NALF1: variants seen among roughly 807,000 people sequenced by gnomAD.
NALF1 encodes NALCN channel auxiliary factor 1, also known as family with sequence similarity 155 member A.
In NALF1, 3 loss-of-function variants were observed where a neutral mutation model predicts 48.4. That is an observed-to-expected ratio of 0.06 (90% CI 0.03 to 0.16). NALF1 has a LOEUF of 0.16. Ranked by LOEUF, NALF1 falls within the 10% of genes least tolerant of loss-of-function variation. The probability of loss-of-function intolerance (pLI) is 1.00; values close to 1 mark genes in which losing one functional copy is unlikely to be tolerated. For synonymous variants in NALF1, 262 were observed against 245.7 expected, an observed-to-expected ratio of 1.07 and a Z score of -0.62; for missense variants, 526 against 571.5, an observed-to-expected ratio of 0.92 and a Z score of 0.81.
chr13:107,664,030 G>C (rs1022490424), intron 1 of NALF1, among the ~76,000 whole-genome samples: 1 of 152,034 alleles, frequency 6.6e-6, no homozygotes, highest in Admixed American at 6.6e-5. Flanking sequence ...CTCCACCATA[G>C]TCCAAGCCCA....
intron 1 of NALF1, among the ~76,000 whole-genome samples, chr13:107,746,329 C>T (rs368772861): frequency 4.6e-5 from 7 of 151,952 alleles, no homozygotes; most frequent in African/African-American, 9.7e-5. Flanking sequence ...TTCATAGCAG[C>T]GTGAGAATAA....
intron 1 of NALF1, among the ~76,000 whole-genome samples, chr13:107,351,968 C>T (rs1566493034): frequency 6.6e-6 from 1 of 152,122 alleles, no homozygotes; most frequent in Non-Finnish European, 1.5e-5. Context: ...GGCTAAGTAC[C>T]GTATCAACAG....
intron 1 of NALF1, among the ~76,000 whole-genome samples, chr13:107,797,716 A>G (rs1878473264): frequency 6.6e-6 from 1 of 152,192 alleles, no homozygotes; most frequent in African/African-American, 2.4e-5. Context: ...CAGATTTTAT[A>G]TTTGAAGATA....
At chr13:107,747,047 G>C (rs1566466380) in intron 1 of NALF1, among the ~76,000 whole-genome samples, 1 of 152,148 alleles carries the variant, frequency 6.6e-6, no homozygotes, top group Non-Finnish European at 1.5e-5. Context: ...GTAGACAAAT[G>C]AGATTGCATC....
chr13:107,866,048 C>G lies in NALF1; in HGVS notation c.549G>C (p.Thr183=), dbSNP rs561755025. 34 of 1,612,694 alleles carry G rather than the reference C, an allele frequency of 2.1e-5. No homozygotes were observed. Among genetic ancestry groups the G allele is most frequent in the Non-Finnish European group, 2.8e-5 (33 of 1,179,946 alleles). The change falls in exon 1 of 3, where the codon ACG becomes ACC. Residue 183 remains threonine (T), a synonymous_variant. Coordinates refer to ENST00000375915, the MANE Select transcript of NALF1 (RefSeq NM_001080396.3). The surrounding 1 kb of genome is among the most constrained non-coding windows in gnomAD (Gnocchi z 4.4). ...CGCACACCGCGTCCGCATTCTCCAC[C>G]GTGAAGCACTGGCCCGAGGACGCGC... ...PQGASSGQCF[T]VENADAVCAR... is the part of the protein sequence containing the mutation.
chr13:107,540,388 A>G (rs1876966211), intron 1 of NALF1, among the ~76,000 whole-genome samples: 1 of 151,926 alleles, frequency 6.6e-6, no homozygotes, highest in Non-Finnish European at 1.5e-5. Flanking sequence ...GTTTTTTAAT[A>G]TACTTATACT....
intron 2 of NALF1, among the ~76,000 whole-genome samples, chr13:107,189,135 G>A (rs1879233195): frequency 6.6e-6 from 1 of 152,168 alleles, no homozygotes; most frequent in Non-Finnish European, 1.5e-5. Flanking sequence ...GCTAAGTTGA[G>A]GAATAAATTG....
At chr13:107,338,056 A>G (rs1244009199) in intron 1 of NALF1, among the ~76,000 whole-genome samples, 2 of 152,190 alleles carry the variant, frequency 1.3e-5, no homozygotes, top group Non-Finnish European at 2.9e-5. Context: ...TGATGTGTGC[A>G]TTTGCGTATT....
In NALF1 at chr13:107,169,550, G is replaced by T. The variant is rs948234790; in HGVS notation, c.*947C>A. 1 of 152,166 alleles carries T rather than the reference G, an allele frequency of 6.6e-6. No homozygotes were observed. Among genetic ancestry groups the T allele is most frequent in the Non-Finnish European group, 1.5e-5 (1 of 68,040 alleles). 9.4% of individuals were successfully genotyped at this position (152,166 alleles called of 1,614,324 possible). On this transcript the variant is annotated 3_prime_UTR_variant, in exon 3 of 3. Coordinates refer to ENST00000375915, the MANE Select transcript of NALF1 (RefSeq NM_001080396.3). ...CCTCACTCCCCGCATCCTGATTCTAGATAGCTGCTCCTGTCCAACTGGACC... is the reference window on the plus strand; with the variant it reads ...CCTCACTCCCCGCATCCTGATTCTATATAGCTGCTCCTGTCCAACTGGACC...
chr13:107,508,148 C>T (rs1488431045), intron 1 of NALF1, among the ~76,000 whole-genome samples: 1 of 151,976 alleles, frequency 6.6e-6, no homozygotes, highest in African/African-American at 2.4e-5. Context: ...TGTTTTATGA[C>T]ACTTGAGATG....
Position 107,300,826 on chromosome 13 carries a change from C to T in NALF1, c.916-90071G>A, listed in dbSNP as rs187061400. Among the ~76,000 whole-genome samples, 14 of 152,184 alleles carry T rather than the reference C, an allele frequency of 9.2e-5. No individual in the cohort carries two copies. The South Asian group carries it at 1.2e-3, about 14-fold the overall frequency. The stretch of plus-strand genomic sequence containing the variant: ...GCAGGTTTAAAATGTATTAGCTAAA[C>T]GAGAGGAACAGATTCACTGTTCAAA... On this transcript the variant is annotated intron_variant, in intron 1 of 2. Coordinates refer to ENST00000375915, the MANE Select transcript of NALF1 (RefSeq NM_001080396.3).
At chr13:107,705,576 A>T (rs1470771998) in intron 1 of NALF1, among the ~76,000 whole-genome samples, 1 of 152,138 alleles carries the variant, frequency 6.6e-6, no homozygotes, top group Non-Finnish European at 1.5e-5. Context: ...ATGCATAAAT[A>T]GAAAACAATA....
chr13:107,439,061 G>A (rs919125235), intron 1 of NALF1, among the ~76,000 whole-genome samples: 6 of 151,708 alleles, frequency 4.0e-5, no homozygotes, highest in Admixed American at 6.6e-5. Flanking sequence ...TAAAACACAC[G>A]CATATTTTAA....
intron 1 of NALF1, among the ~76,000 whole-genome samples, chr13:107,379,150 T>C (rs143426244): frequency 6.6e-6 from 1 of 152,326 alleles, no homozygotes; most frequent in Admixed American, 6.5e-5. Flanking sequence ...AAGTTACAGA[T>C]GCTTCTAAAT....
intron 1 of NALF1, among the ~76,000 whole-genome samples, chr13:107,684,548 G>A (rs1881385538): frequency 6.6e-6 from 1 of 152,138 alleles, no homozygotes; most frequent in South Asian, 2.1e-4. Flanking sequence ...TGGGGATAGA[G>A]TGGGCCAGGA....
intron 1 of NALF1, among the ~76,000 whole-genome samples, chr13:107,738,585 T>C (rs1876532722): frequency 6.6e-6 from 1 of 152,206 alleles, no homozygotes; most frequent in Non-Finnish European, 1.5e-5. Context: ...ATTAAAAACT[T>C]TCCCCCTTCA....
At position 107,738,342 on chromosome 13, in the gene NALF1, C is replaced by G. The variant is rs16971020; in HGVS notation, c.915+127340G>C. 6.0e-3 allele frequency among the ~76,000 whole-genome samples: 920 copies of G among 152,264 alleles called. 9 individuals carry two copies. Among genetic ancestry groups the G allele is most frequent in the African/African-American group, 0.022 (895 of 41,548 alleles). On this transcript the variant is annotated intron_variant, in intron 1 of 2. Coordinates refer to ENST00000375915, the MANE Select transcript of NALF1 (RefSeq NM_001080396.3). ...CACTTCCTGTTCTAAGTGGCATTTACGCATTCTGTGGACTCATGATCTTAA... is the reference window on the plus strand; with the variant it reads ...CACTTCCTGTTCTAAGTGGCATTTAGGCATTCTGTGGACTCATGATCTTAA...
chr13:107,229,902 G>C (rs941774455), intron 1 of NALF1, among the ~76,000 whole-genome samples: 2 of 152,170 alleles, frequency 1.3e-5, no homozygotes, highest in Admixed American at 6.5e-5. Flanking sequence ...GAAGCTTCCA[G>C]TGCAAGAGGT....
intron 1 of NALF1, among the ~76,000 whole-genome samples, chr13:107,290,223 T>A (rs1032289766): frequency 1.1e-4 from 16 of 151,476 alleles, no homozygotes; most frequent in Non-Finnish European, 2.2e-4. Context: ...TGCCACAAAT[T>A]ATGTTCAATG....
Sources: allele counts gnomAD v4.1 joint callset (sites outside exome capture counted in the v4.1 genomes callset), GRCh38; gene constraint gnomAD v4.1.1; non-coding constraint Gnocchi (gnomAD v3.1); transcripts MANE v1.5; gene names NCBI Gene and HGNC (gene_info 2026-07-23, HGNC 2026-07-21).